The following PNPLA8 variants were observed in gnomAD, a reference collection of about 807,000 sequenced individuals.
The protein encoded by PNPLA8 is calcium-independent phospholipase A2-gamma.
PNPLA8 carries 39 observed loss-of-function variants against 76.9 expected under a neutral mutation model. The observed-to-expected ratio is 0.51, with a 90% CI of 0.39 to 0.66. PNPLA8 has a LOEUF of 0.66. PNPLA8 is among the 30% of genes least tolerant of loss of function. PNPLA8 has a pLI of 0.00. For missense variants in PNPLA8, 887 were observed against 918.0 expected (o/e 0.97, Z 0.44); for synonymous variants, 301 against 307.9 (o/e 0.98, Z 0.24).
rs768559256 is a variant in PNPLA8 at position 108,514,431 on chromosome 7, C to T, written c.1056+5G>A. 6.3e-7 allele frequency: 1 copy of T among 1,597,526 alleles called. No homozygotes were observed. Among genetic ancestry groups the T allele is most frequent in the Non-Finnish European group, 8.5e-7 (1 of 1,172,620 alleles). On this transcript the variant is annotated splice_donor_5th_base_variant and intron_variant, in intron 3 of 10. Coordinates refer to ENST00000257694, the MANE Select transcript of PNPLA8 (RefSeq NM_001256007.3). ...TAGAACCGAAAAGCACACTGAACAA[C>T]TTGCCTTTTCTCGCTGAAGAGATAA...
rs1036448634 is a variant in PNPLA8, at chr7:108,526,126, C to T, written c.-227G>A. ...CGGCCTGCATCAGCTGAGCTTCCAACACAAACACTGGCGCAGCAGCTAGGT... is the reference window on the plus strand; with the variant it reads ...CGGCCTGCATCAGCTGAGCTTCCAATACAAACACTGGCGCAGCAGCTAGGT... On this transcript the variant is annotated 5_prime_UTR_variant, in exon 1 of 11. Coordinates refer to ENST00000257694, the MANE Select transcript of PNPLA8 (RefSeq NM_001256007.3). 31 of 982,778 alleles carry T rather than the reference C, an allele frequency of 3.2e-5. No individual in the cohort carries two copies. In the African/African-American group the frequency reaches 5.2e-4, roughly 17 times the overall value. The allele number at this position is 982,778 out of a possible 1,614,324, so 60.9% of individuals were successfully genotyped here. A position where few individuals can be genotyped will look rare whatever the true frequency, so the allele number is the denominator to read the frequency against.
At chr7:108,523,119 C>CT (rs2154517247) in intron 1 of PNPLA8, among the ~76,000 whole-genome samples, 1 of 151,838 alleles carries the variant, frequency 6.6e-6, no homozygotes, top group African/African-American at 2.4e-5. Flanking sequence ...AATGGAGGTA[C>CT]GAATAAAACA....
chr7:108,508,621 A>G, intron 4 of PNPLA8, among the ~76,000 whole-genome samples: 1 of 97,728 alleles, frequency 1.0e-5, no homozygotes, highest in Admixed American at 1.2e-4. Flanking sequence ...TACAGATTCA[A>G]TGCCATCCCC....
At chr7:108,501,837 T>C (rs1861972276) in intron 5 of PNPLA8, among the ~76,000 whole-genome samples, 2 of 151,722 alleles carry the variant, frequency 1.3e-5, no homozygotes, top group Non-Finnish European at 2.9e-5. Context: ...AAAAATAAAA[T>C]AATAAATGAA....
At chr7:108,486,594 T>C (rs1044608014) in intron 9 of PNPLA8, among the ~76,000 whole-genome samples, 6 of 152,136 alleles carry the variant, frequency 3.9e-5, no homozygotes, top group African/African-American at 1.2e-4. Flanking sequence ...GAATCCTATT[T>C]TAATCTCTTA....
intron 4 of PNPLA8, among the ~76,000 whole-genome samples, chr7:108,504,291 G>A (rs974095240): frequency 9.2e-5 from 14 of 151,962 alleles, no homozygotes; most frequent in East Asian, 1.9e-4. Flanking sequence ...ATCCAGTACC[G>A]AATTACAAAA....
At chr7:108,486,536 C>A (rs920189700) in intron 9 of PNPLA8, among the ~76,000 whole-genome samples, 1 of 152,016 alleles carries the variant, frequency 6.6e-6, no homozygotes, top group Non-Finnish European at 1.5e-5. Flanking sequence ...TCAACAATGA[C>A]TGATTCTGCA....
intron 5 of PNPLA8, among the ~76,000 whole-genome samples, chr7:108,498,277 T>G (rs1339409448): frequency 6.6e-6 from 1 of 151,974 alleles, no homozygotes; most frequent in Admixed American, 6.6e-5. Flanking sequence ...CACCAGATTT[T>G]TTTTTTTGAG....
intron 4 of PNPLA8, among the ~76,000 whole-genome samples, chr7:108,508,839 T>C (rs1311169799): frequency 6.8e-6 from 1 of 146,494 alleles, no homozygotes; most frequent in Non-Finnish European, 1.5e-5. Flanking sequence ...TATAGATCAA[T>C]GGAACAGAAC....
chr7:108,473,394 ATGTGC>A (rs1375363852), intron 10 of PNPLA8, among the ~76,000 whole-genome samples: 1 of 152,168 alleles, frequency 6.6e-6, no homozygotes, highest in Non-Finnish European at 1.5e-5. Flanking sequence ...ATAAGTCTTC[ATGTGC>A]ATATGATTGC....
At position 108,514,811 on chromosome 7, in the gene PNPLA8, A is replaced by G. The variant is rs1259925414; in HGVS notation, c.681T>C (p.Asn227=). Reference sequence around the variant, plus strand: ...GTTCTGATTTGTCCCGGAAATGTTCATTTTCCTTTTGTTGAGACATTTTTT... The same window carrying G: ...GTTCTGATTTGTCCCGGAAATGTTCGTTTTCCTTTTGTTGAGACATTTTTT... ...RKEKMSQQKE[N]EHFRDKSELE... is the part of the protein sequence containing the mutation. The change falls in exon 3 of 11, where the codon AAT becomes AAC. Residue 227 remains asparagine, a synonymous_variant. Transcript: ENST00000257694. 6.2e-7 allele frequency: 1 copy of G among 1,613,102 alleles called. No individual in the cohort carries two copies. The highest frequency in any genetic ancestry group is 8.5e-7 in the Non-Finnish European group (1 of 1,179,332).
intron 9 of PNPLA8, among the ~76,000 whole-genome samples, chr7:108,486,789 T>C (rs1207777008): frequency 6.6e-6 from 1 of 152,116 alleles, no homozygotes; most frequent in Non-Finnish European, 1.5e-5. Flanking sequence ...TAGATCTATG[T>C]ATGAGTTTTT....
intron 7 of PNPLA8, among the ~76,000 whole-genome samples, chr7:108,493,693 T>TAATG (rs1177848122): frequency 1.3e-5 from 2 of 149,956 alleles, no homozygotes; most frequent in African/African-American, 4.9e-5. Flanking sequence ...CATACAATGA[T>TAATG]AATGGATGGG....
intron 4 of PNPLA8, chr7:108,502,931 T>C (rs1033833205): frequency 2.7e-5 from 6 of 219,640 alleles, no homozygotes; most frequent in Admixed American, 5.6e-5. Flanking sequence ...TTACAAATTA[T>C]TATAACAAAA....
chr7:108,517,768 CTGTG>C (rs140669379), intron 2 of PNPLA8, among the ~76,000 whole-genome samples: 3 of 151,936 alleles, frequency 2.0e-5, no homozygotes, highest in Non-Finnish European at 2.9e-5. Context: ...TATGGGGTGT[CTGTG>C]TGTGTGTGTT....
intron 6 of PNPLA8, 27 bp downstream of exon 6, chr7:108,497,456 G>A (rs769811223): frequency 5.1e-6 from 7 of 1,365,676 alleles, no homozygotes; most frequent in South Asian, 2.4e-5. Flanking sequence ...CTGCCAGAAT[G>A]CACCACTTCC....
At chr7:108,476,110 A>G (rs367977951) in intron 10 of PNPLA8, among the ~76,000 whole-genome samples, 31 of 152,344 alleles carry the variant, frequency 2.0e-4, no homozygotes, top group East Asian at 9.6e-4. Flanking sequence ...TTCACCACAG[A>G]TTAAACCCTA....
At chr7:108,512,511 G>C (rs1354612659) in intron 4 of PNPLA8, among the ~76,000 whole-genome samples, 2 of 151,366 alleles carry the variant, frequency 1.3e-5, no homozygotes, top group Non-Finnish European at 1.5e-5. Context: ...TTTTTTTTAG[G>C]GCATTACGTA....
At chr7:108,490,644 CGTGGTG>C (rs1861088403) in intron 8 of PNPLA8, among the ~76,000 whole-genome samples, 1 of 151,982 alleles carries the variant, frequency 6.6e-6, no homozygotes, top group Admixed American at 6.6e-5. Flanking sequence ...ATTAGCCGGG[CGTGGTG>C]GCGGCTGCCT....
Sources: allele counts gnomAD v4.1 joint callset (sites outside exome capture counted in the v4.1 genomes callset), GRCh38; gene constraint gnomAD v4.1.1; transcripts MANE v1.5; gene names NCBI Gene and HGNC (gene_info 2026-07-23, HGNC 2026-07-21).